HCRTR2: variants seen among roughly 807,000 people sequenced by gnomAD.
HCRTR2 encodes the protein hypocretin receptor 2, also known as orexin receptor type 2.
HCRTR2 carries 22 observed loss-of-function variants against 49.0 expected under a neutral mutation model. The ratio of observed to expected loss-of-function variants is 0.45; its 90% CI spans 0.32 to 0.64. The LOEUF (loss-of-function observed/expected upper bound fraction) is 0.64. Among genes scored for constraint, HCRTR2 ranks in the 30% least tolerant of loss-of-function variants. The pLI is 0.04. For synonymous variants in HCRTR2, 236 were observed against 205.3 expected, an observed-to-expected ratio of 1.15 and a Z score of -1.28; for missense variants, 491 against 559.4, an observed-to-expected ratio of 0.88 and a Z score of 1.23.
At chr6:55,138,263 G>A (rs1051788406) in intron 1 of HCRTR2, among the ~76,000 whole-genome samples, 7 of 152,154 alleles carry the variant, frequency 4.6e-5, no homozygotes, top group African/African-American at 1.7e-4. Context: ...CATATGATCA[G>A]TGTGATGAGA....
chr6:55,228,963 C>T (rs1226147087), intron 1 of HCRTR2, among the ~76,000 whole-genome samples: 1 of 151,902 alleles, frequency 6.6e-6, no homozygotes, highest in East Asian at 1.9e-4. Context: ...TTTATTAATC[C>T]ACTAAGTAGG....
intron 1 of HCRTR2, among the ~76,000 whole-genome samples, chr6:55,162,218 C>A (rs113191900): frequency 3.7e-4 from 57 of 152,278 alleles, no homozygotes; most frequent in African/African-American, 1.3e-3. Context: ...ATCACAAAAA[C>A]AGAACCAATG....
chr6:55,243,569 T>C (rs1417238776), intron 1 of HCRTR2, among the ~76,000 whole-genome samples: 6 of 152,136 alleles, frequency 3.9e-5, no homozygotes, highest in African/African-American at 1.4e-4. Context: ...TTTTTCTCCT[T>C]TTAAAGAATT....
intron 1 of HCRTR2, among the ~76,000 whole-genome samples, chr6:55,153,478 A>G (rs1764689160): frequency 6.6e-6 from 1 of 152,066 alleles, no homozygotes; most frequent in South Asian, 2.1e-4. Context: ...AAACATAGAA[A>G]AAGTACAGTA....
At chr6:55,213,616 A>G (rs1302933250) in intron 1 of HCRTR2, among the ~76,000 whole-genome samples, 1 of 152,172 alleles carries the variant, frequency 6.6e-6, no homozygotes, top group Admixed American at 6.5e-5. Flanking sequence ...CTCACTCTTC[A>G]TGGTCACTTC....
At chr6:55,283,998 C>T (rs1459436854), downstream of HCRTR2, among the ~76,000 whole-genome samples, 1 of 152,166 alleles carries the variant, frequency 6.6e-6, no homozygotes. Context: ...TATTTTAACT[C>T]TCTCCTTTCT....
chr6:55,156,591 A>C (rs1193354327), intron 1 of HCRTR2, among the ~76,000 whole-genome samples: 1 of 151,242 alleles, frequency 6.6e-6, no homozygotes, highest in Non-Finnish European at 1.5e-5. Context: ...ACACACACAC[A>C]AGCACACACA....
chr6:55,222,075 A>G (rs78046279), intron 1 of HCRTR2, among the ~76,000 whole-genome samples: 4,360 of 152,266 alleles, frequency 0.029, 209 homozygotes, highest in African/African-American at 0.099. Context: ...ATAATGGGTT[A>G]GTATTCAAAA....
At chr6:55,236,102 C>T (rs576444762) in intron 1 of HCRTR2, among the ~76,000 whole-genome samples, 2 of 152,138 alleles carry the variant, frequency 1.3e-5, no homozygotes, top group East Asian at 1.9e-4. Flanking sequence ...AGAAAACTCA[C>T]AGCCTTACAA....
chr6:55,231,946 T>G (rs2127300287), intron 1 of HCRTR2, among the ~76,000 whole-genome samples: 1 of 152,270 alleles, frequency 6.6e-6, no homozygotes. Flanking sequence ...TCCATCCACC[T>G]CACTCCTCCT....
At chr6:55,121,162 T>A (rs1348488612) in intron 1 of HCRTR2, among the ~76,000 whole-genome samples, 2 of 152,136 alleles carry the variant, frequency 1.3e-5, no homozygotes, top group Non-Finnish European at 2.9e-5. Context: ...GAGCGTGGTT[T>A]GTAGTTCTCC....
At chr6:55,147,199 AG>A (rs1264281111) in intron 1 of HCRTR2, among the ~76,000 whole-genome samples, 1 of 152,126 alleles carries the variant, frequency 6.6e-6, no homozygotes, top group Non-Finnish European at 1.5e-5. Flanking sequence ...CTATTTTATT[AG>A]TTATATTTGT....
At chr6:55,124,987 A>G (rs577689385) in intron 1 of HCRTR2, among the ~76,000 whole-genome samples, 93 of 131,252 alleles carry the variant, frequency 7.1e-4, no homozygotes, top group African/African-American at 2.6e-3. Context: ...CCAAACCTTT[A>G]TTTTGAGCCT....
intron 1 of HCRTR2, among the ~76,000 whole-genome samples, chr6:55,247,831 A>C (rs1562021136): frequency 1.3e-5 from 2 of 152,240 alleles, no homozygotes; most frequent in African/African-American, 2.4e-5. Flanking sequence ...TGATGTTTAG[A>C]GGCCCTAAGG....
intron 1 of HCRTR2, among the ~76,000 whole-genome samples, chr6:55,209,147 C>T (rs572661637): frequency 1.5e-4 from 23 of 152,130 alleles, no homozygotes; most frequent in African/African-American, 4.8e-4. Flanking sequence ...AAAACAATTA[C>T]GTTCTACTGT....
At chr6:55,246,390 T>C (rs957090010) in intron 1 of HCRTR2, among the ~76,000 whole-genome samples, 1 of 151,952 alleles carries the variant, frequency 6.6e-6, no homozygotes, top group East Asian at 1.9e-4. Context: ...TGCTAGTAAT[T>C]AAAGCCACTG....
At chr6:55,176,920 A>G (rs1036618138) in intron 1 of HCRTR2, among the ~76,000 whole-genome samples, 2 of 152,212 alleles carry the variant, frequency 1.3e-5, no homozygotes, top group Non-Finnish European at 1.5e-5. Flanking sequence ...ATAGCTATCA[A>G]TAGTAACTAT....
chr6:55,204,986 G>A (rs889008029), intron 1 of HCRTR2, among the ~76,000 whole-genome samples: 1 of 152,012 alleles, frequency 6.6e-6, no homozygotes, highest in African/African-American at 2.4e-5. Flanking sequence ...TAGTGGAGAT[G>A]AGGTCTCGCT....
chr6:55,194,970 AAAATATTTAG>A (rs1765384553), intron 1 of HCRTR2, among the ~76,000 whole-genome samples: 1 of 152,168 alleles, frequency 6.6e-6, no homozygotes, highest in Non-Finnish European at 1.5e-5. Flanking sequence ...TGACTCATAT[AAAATATTTAG>A]AAACCAATAA....
Sources: allele counts gnomAD v4.1 joint callset (sites outside exome capture counted in the v4.1 genomes callset), GRCh38; gene constraint gnomAD v4.1.1; transcripts MANE v1.5; gene names NCBI Gene and HGNC (gene_info 2026-07-23, HGNC 2026-07-21).